Variants in MICAL2 observed in about 807,000 individuals in gnomAD.
MICAL2 encodes [F-actin]-monooxygenase MICAL2.
A neutral mutation model predicts 127.3 loss-of-function variants in MICAL2; 77 were observed. That is an observed-to-expected ratio of 0.60 (90% confidence interval 0.50 to 0.73). MICAL2 has a LOEUF of 0.73. Ranked by LOEUF, MICAL2 falls within the 30% of genes least tolerant of loss-of-function variation. The pLI is 0.00. For missense variants in MICAL2, 1,351 were observed against 1,434.4 expected (o/e 0.94, Z 0.94); for synonymous variants, 570 against 551.1 (o/e 1.03, Z -0.48).
intron 7 of MICAL2, 59 bp downstream of exon 7, chr11:12,213,469 T>C (rs1405566385): frequency 6.5e-7 from 1 of 1,545,356 alleles, no homozygotes. Flanking sequence ...GTTTCTAAAG[T>C]GTGCAGAGGC....
chr11:12,142,269 C>T (rs558915651), intron 2 of MICAL2, among the ~76,000 whole-genome samples: 172 of 152,298 alleles, frequency 1.1e-3, no homozygotes, highest in African/African-American at 4.0e-3. Context: ...GTTGAGGCTT[C>T]TTATGTGCAG....
downstream of MICAL2, among the ~76,000 whole-genome samples, chr11:12,359,412 T>C (rs921998871): frequency 1.2e-4 from 18 of 151,710 alleles, 2 homozygotes; most frequent in Admixed American, 8.5e-4. Context: ...CTACTGAAAC[T>C]GAACACACTA....
At chr11:12,245,749 T>C (rs953405538) in intron 21 of MICAL2, among the ~76,000 whole-genome samples, 1 of 152,202 alleles carries the variant, frequency 6.6e-6, no homozygotes, top group African/African-American at 2.4e-5. Flanking sequence ...GTGAGCAACA[T>C]GGGTGGAGAC....
At chr11:12,278,791 G>T (rs758256200) in intron 1 of MICAL2, among the ~76,000 whole-genome samples, 71 of 152,158 alleles carry the variant, frequency 4.7e-4, no homozygotes, top group Non-Finnish European at 9.1e-4. Context: ...TGACTGAATG[G>T]CTGGTATGGT....
intron 3 of MICAL2, among the ~76,000 whole-genome samples, chr11:12,167,496 GC>G (rs963535022): frequency 2.0e-5 from 3 of 152,150 alleles, no homozygotes; most frequent in Non-Finnish European, 4.4e-5. Context: ...GACACCGGGA[GC>G]AAAGACTGCT....
At position 12,110,994 on chromosome 11, in the gene MICAL2, G is replaced by C; in HGVS notation, c.-149+268G>C. Among the ~76,000 whole-genome samples, 1 of 152,126 alleles carries C rather than the reference G, an allele frequency of 6.6e-6. No individual in the cohort carries two copies. Among genetic ancestry groups the C allele is most frequent in the Non-Finnish European group, 1.5e-5 (1 of 68,012 alleles). On this transcript the variant is annotated intron_variant, in intron 1 of 27. Coordinates refer to ENST00000683283, the MANE Select transcript of MICAL2 (RefSeq NM_001282663.2). This position sits in a 1 kb window ranked among gnomAD's most constrained non-coding sequence, Gnocchi z 4.5. ...GGCACGCCGAACTACCTCTTACTCCGCTCCGCAACACCCAAACCCTGCAGT... is the reference window on the plus strand; with the variant it reads ...GGCACGCCGAACTACCTCTTACTCCCCTCCGCAACACCCAAACCCTGCAGT...
At chr11:12,172,013 C>G (rs1314250694) in intron 3 of MICAL2, among the ~76,000 whole-genome samples, 1 of 152,156 alleles carries the variant, frequency 6.6e-6, no homozygotes, top group Non-Finnish European at 1.5e-5. Context: ...TTAAGTCTAG[C>G]CACACATCAA....
chr11:12,263,275 C>G (rs537352911), intron 27 of MICAL2: 1 of 152,226 alleles, frequency 6.6e-6, no homozygotes, highest in Non-Finnish European at 1.5e-5. Context: ...CAGCCCCAGG[C>G]CCCTGTGACT....
chr11:12,225,580 C>A (rs1857315979), intron 13 of MICAL2: 1 of 152,882 alleles, frequency 6.5e-6, no homozygotes, highest in Admixed American at 6.5e-5. Flanking sequence ...CTCCGCCTCC[C>A]AGGTTCAAGC....
At chr11:12,351,873 C>T (rs575470705) in intron 33 of MICAL2, among the ~76,000 whole-genome samples, 144 of 150,780 alleles carry the variant, frequency 9.6e-4, no homozygotes, top group African/African-American at 3.4e-3. Context: ...TCACTGCAGC[C>T]TCCACCTCCT....
chr11:12,200,803 G>A (rs1030158107), intron 3 of MICAL2, among the ~76,000 whole-genome samples: 1 of 152,192 alleles, frequency 6.6e-6, no homozygotes, highest in African/African-American at 2.4e-5. Context: ...AAAATGCATG[G>A]CAGCTCCCTG....
At chr11:12,315,746 G>C (rs1337356619) in intron 29 of MICAL2, among the ~76,000 whole-genome samples, 1 of 152,122 alleles carries the variant, frequency 6.6e-6, no homozygotes, top group Non-Finnish European at 1.5e-5. Flanking sequence ...ATGTGAAATA[G>C]GTCAAGTTGT....
intron 1 of MICAL2, chr11:12,280,801 C>T (rs924315164): frequency 2.0e-5 from 8 of 397,384 alleles, no homozygotes; most frequent in Non-Finnish European, 3.5e-5. Context: ...CGAAGCTGGG[C>T]TCTGGGCACA....
In MICAL2 at chr11:12,312,717, A is replaced by G. The variant is rs148519024; in HGVS notation, c.5213-6979A>G. Among the ~76,000 whole-genome samples, 352 of 152,334 alleles carry G rather than the reference A, an allele frequency of 2.3e-3. 1 individual carries two copies. Among genetic ancestry groups the G allele is most frequent in the African/African-American group, 8.1e-3 (336 of 41,570 alleles). ...TAGGTTCAACAAAATATGGATTGTCATGAAGAAATATAATTGGACAAAAAG... is the reference window on the plus strand; with the variant it reads ...TAGGTTCAACAAAATATGGATTGTCGTGAAGAAATATAATTGGACAAAAAG... On this transcript the variant is annotated intron_variant, in intron 29 of 34. Coordinates refer to the MICAL2 transcript ENST00000646065.
chr11:12,160,670 T>A (rs970432101), intron 2 of MICAL2, among the ~76,000 whole-genome samples: 1 of 152,236 alleles, frequency 6.6e-6, no homozygotes, highest in African/African-American at 2.4e-5. Context: ...TTCTCTCTTG[T>A]GGCCCCTCTG....
At chr11:12,126,674 A>G (rs910754318) in intron 1 of MICAL2, among the ~76,000 whole-genome samples, 2 of 148,540 alleles carry the variant, frequency 1.3e-5, no homozygotes, top group African/African-American at 5.1e-5. Flanking sequence ...AAGTATTTAC[A>G]GTGGGCTTGG....
chr11:12,223,151 G>A (rs1857018748), intron 11 of MICAL2, among the ~76,000 whole-genome samples: 1 of 152,114 alleles, frequency 6.6e-6, no homozygotes, highest in African/African-American at 2.4e-5. Context: ...AGAAAATTGT[G>A]TGAATTTTTA....
chr11:12,281,656 AT>A (rs1863773106), intron 2 of MICAL2, among the ~76,000 whole-genome samples: 1 of 152,200 alleles, frequency 6.6e-6, no homozygotes, highest in Non-Finnish European at 1.5e-5. Context: ...GACTTTTCCC[AT>A]ACGTGTGGTC....
chr11:12,236,377 C>T (rs574485835), intron 16 of MICAL2, 132 bp downstream of exon 16: 4 of 787,324 alleles, frequency 5.1e-6, no homozygotes, highest in East Asian at 2.5e-5. Context: ...CCAAGCTTGG[C>T]GTGATGGAAA....
Sources: gnomAD v4.1 joint callset for allele counts (sites outside exome capture counted in the v4.1 genomes callset) on GRCh38, gnomAD v4.1.1 for gene constraint, Gnocchi (gnomAD v3.1) non-coding constraint, MANE v1.5 for transcripts, NCBI Gene and HGNC (gene_info 2026-07-23, HGNC 2026-07-21) for gene names.